CCDC171: variants seen among roughly 807,000 people sequenced by gnomAD.
The protein encoded by CCDC171 is coiled-coil domain-containing protein 171.
Under a neutral mutation model 168.2 loss-of-function variants are expected in CCDC171, and 177 were observed. The ratio of observed to expected loss-of-function variants is 1.05; its 90% CI spans 0.93 to 1.19. The LOEUF (loss-of-function observed/expected upper bound fraction) is 1.19. Among genes scored for constraint, CCDC171 ranks in the 50% most tolerant of loss-of-function variants. CCDC171 has a pLI of 0.00. For synonymous variants in CCDC171, 687 were observed against 540.8 expected (o/e 1.27, Z -3.75); for missense variants, 1,991 against 1,539.0 (o/e 1.29, Z -4.91).
the CCDC171 span, among the ~76,000 whole-genome samples, chr9:16,083,642 A>G: frequency 6.6e-6 from 1 of 152,200 alleles, no homozygotes; most frequent in African/African-American, 2.4e-5. Flanking sequence ...AGAAAGACCT[A>G]GCCACACATT....
intron 4 of CCDC171, among the ~76,000 whole-genome samples, chr9:15,589,124 C>T (rs368142252): frequency 1.3e-5 from 2 of 152,066 alleles, no homozygotes; most frequent in African/African-American, 2.4e-5. Flanking sequence ...GGGGAAAACA[C>T]GTTTCCCTTC....
At chr9:15,732,442 T>A (rs1463651113) in intron 16 of CCDC171, among the ~76,000 whole-genome samples, 1 of 152,114 alleles carries the variant, frequency 6.6e-6, no homozygotes, top group Non-Finnish European at 1.5e-5. Flanking sequence ...TGAATAGCCT[T>A]GGTACCTTTG....
chr9:15,904,292 C>A (rs1822170453), intron 24 of CCDC171, among the ~76,000 whole-genome samples: 1 of 152,098 alleles, frequency 6.6e-6, no homozygotes, highest in Admixed American at 6.5e-5. Context: ...TCGGGTTGCC[C>A]ACAAAGGGAA....
intron 6 of CCDC171, among the ~76,000 whole-genome samples, chr9:16,031,876 C>T (rs1833369110): frequency 6.6e-6 from 1 of 152,136 alleles, no homozygotes; most frequent in Non-Finnish European, 1.5e-5. Flanking sequence ...ATGTGGCAGC[C>T]CCCAGGATCC....
At chr9:15,792,293 A>G (rs1382794732) in intron 21 of CCDC171, among the ~76,000 whole-genome samples, 1 of 152,222 alleles carries the variant, frequency 6.6e-6, no homozygotes, top group Admixed American at 6.5e-5. Context: ...AAAAGAAACG[A>G]ACAAAGCTTC....
At chr9:15,617,188 A>G (rs547714156) in intron 6 of CCDC171, among the ~76,000 whole-genome samples, 1 of 152,234 alleles carries the variant, frequency 6.6e-6, no homozygotes, top group Non-Finnish European at 1.5e-5. Context: ...TACTTCTGCC[A>G]ATTGCTCAAT....
At chr9:15,842,949 TG>T (rs1189106533) in intron 21 of CCDC171, among the ~76,000 whole-genome samples, 3 of 151,920 alleles carry the variant, frequency 2.0e-5, no homozygotes, top group African/African-American at 7.2e-5. Context: ...AAAAAATGTG[TG>T]GGTCATTTAA....
At chr9:15,874,303 C>A (rs1190331130) in intron 23 of CCDC171, among the ~76,000 whole-genome samples, 2 of 152,026 alleles carry the variant, frequency 1.3e-5, no homozygotes, top group Admixed American at 6.6e-5. Context: ...GACTCTTCTT[C>A]CCCTCCCTCA....
intron 21 of CCDC171, among the ~76,000 whole-genome samples, chr9:15,788,072 T>C (rs973683525): frequency 6.6e-6 from 1 of 152,202 alleles, no homozygotes; most frequent in African/African-American, 2.4e-5. Context: ...TTAAATATTG[T>C]TGTCAGGAAT....
intron 3 of CCDC171, among the ~76,000 whole-genome samples, chr9:15,996,067 A>G (rs1224388240): frequency 2.0e-5 from 3 of 152,238 alleles, no homozygotes; most frequent in Non-Finnish European, 4.4e-5. Flanking sequence ...TCACACTTAC[A>G]CTGCTGTCCA....
chr9:15,750,397 G>A (rs946901256), intron 18 of CCDC171, among the ~76,000 whole-genome samples: 3 of 152,104 alleles, frequency 2.0e-5, no homozygotes, highest in Non-Finnish European at 2.9e-5. Context: ...GGTACAAAGA[G>A]GAGCTGGTAC....
intron 23 of CCDC171, among the ~76,000 whole-genome samples, chr9:15,861,862 C>T (rs76593508): frequency 6.6e-6 from 1 of 151,940 alleles, no homozygotes; most frequent in African/African-American, 2.4e-5. Context: ...TATCATGTTG[C>T]TGTACAGCAT....
chr9:16,102,324 T>C, the CCDC171 span, among the ~76,000 whole-genome samples: 3 of 152,200 alleles, frequency 2.0e-5, no homozygotes, highest in Admixed American at 2.0e-4. Context: ...CTTGCTCTCC[T>C]ACACACCTTC....
At chr9:15,867,943 T>C (rs2061861040) in intron 23 of CCDC171, among the ~76,000 whole-genome samples, 2 of 152,096 alleles carry the variant, frequency 1.3e-5, no homozygotes, top group African/African-American at 4.8e-5. Context: ...TCATGTTATA[T>C]AGTGACTTTA....
intron 1 of CCDC171, among the ~76,000 whole-genome samples, chr9:16,045,904 A>G (rs545676677): frequency 2.0e-5 from 3 of 152,268 alleles, no homozygotes; most frequent in East Asian, 1.9e-4. Flanking sequence ...TCCCTGGGAT[A>G]TACACATTCT....
rs183378671 is a variant in CCDC171, at chr9:15,643,808, C to G, written c.823-13319C>G. On this transcript the variant is annotated intron_variant, in intron 7 of 25. Transcript: ENST00000380701. ...TTTGCCTATTCTGGACAATTCTTATCAATGAAATCATACAGCATGTGGTCT... is the reference window on the plus strand; with the variant it reads ...TTTGCCTATTCTGGACAATTCTTATGAATGAAATCATACAGCATGTGGTCT... Among the ~76,000 whole-genome samples, 42 of 152,312 alleles carry G rather than the reference C, an allele frequency of 2.8e-4. No homozygotes were observed. The East Asian group carries it at 7.3e-3, about 27-fold the overall frequency.
At chr9:15,567,612 A>C (rs1047863467) in intron 2 of CCDC171, among the ~76,000 whole-genome samples, 1 of 151,280 alleles carries the variant, frequency 6.6e-6, no homozygotes, top group Non-Finnish European at 1.5e-5. Context: ...TAGCTTTTCA[A>C]CTCCTTTGAA....
intron 7 of CCDC171, among the ~76,000 whole-genome samples, chr9:15,646,034 C>G (rs999823695): frequency 6.6e-6 from 1 of 152,210 alleles, no homozygotes; most frequent in African/African-American, 2.4e-5. Context: ...GCCCATCAGA[C>G]TAACAGTGGA....
At chr9:15,839,995 T>G (rs950641776) in intron 21 of CCDC171, among the ~76,000 whole-genome samples, 11 of 152,250 alleles carry the variant, frequency 7.2e-5, no homozygotes, top group African/African-American at 2.6e-4. Flanking sequence ...AATAATTGAA[T>G]TTTATTGAGT....
Sources: gnomAD v4.1 joint callset for allele counts (sites outside exome capture counted in the v4.1 genomes callset) on GRCh38, gnomAD v4.1.1 for gene constraint, MANE v1.5 for transcripts, NCBI Gene and HGNC (gene_info 2026-07-23, HGNC 2026-07-21) for gene names.